The following ERC1 variants were observed in gnomAD, a reference collection of about 807,000 sequenced individuals.
ERC1 encodes the protein ELKS/RAB6-interacting/CAST family member 1.
ERC1 carries 56 observed loss-of-function variants against 132.0 expected under a neutral mutation model. That is an observed-to-expected ratio of 0.42 (90% CI 0.34 to 0.53). The LOEUF is 0.53. Among genes scored for constraint, ERC1 ranks in the 20% least tolerant of loss-of-function variants. The pLI is 0.03. For synonymous variants in ERC1, 478 were observed against 476.1 expected (o/e 1.00, Z -0.05); for missense variants, 1,202 against 1,349.9 (o/e 0.89, Z 1.72).
chr12:1,079,097 A>G (rs2154186805), intron 2 of ERC1, among the ~76,000 whole-genome samples: 1 of 151,406 alleles, frequency 6.6e-6, no homozygotes, highest in Admixed American at 6.6e-5. Context: ...TTGTAATATG[A>G]CAAAAGTCGA....
chr12:1,482,219 G>C (rs1373297364), intron 18 of ERC1, among the ~76,000 whole-genome samples: 1 of 152,110 alleles, frequency 6.6e-6, no homozygotes, highest in Non-Finnish European at 1.5e-5. Context: ...GCAGTGAGCA[G>C]CCCAGTGCCT....
chr12:1,308,573 T>A (rs2081056261), intron 15 of ERC1, among the ~76,000 whole-genome samples: 1 of 152,196 alleles, frequency 6.6e-6, no homozygotes, highest in South Asian at 2.1e-4. Context: ...CCAAAATAAA[T>A]ACTTAACAGT....
intron 1 of ERC1, among the ~76,000 whole-genome samples, chr12:1,016,604 A>G (rs1341803370): frequency 6.7e-6 from 1 of 149,596 alleles, no homozygotes; most frequent in Non-Finnish European, 1.5e-5. Context: ...CACAGTATGT[A>G]TATAACCATT....
At chr12:1,402,269 G>A (rs191236318) in intron 16 of ERC1, among the ~76,000 whole-genome samples, 11 of 152,272 alleles carry the variant, frequency 7.2e-5, no homozygotes, top group South Asian at 2.1e-4. Context: ...GGTGGCTCAC[G>A]CCGTAATCCC....
intron 16 of ERC1, among the ~76,000 whole-genome samples, chr12:1,376,983 G>A (rs11061725): frequency 0.11 from 17,305 of 152,126 alleles, 2,426 homozygotes; most frequent in African/African-American, 0.33. Flanking sequence ...AGGTGATCCC[G>A]TTGGTCTTGA....
At chr12:1,380,237 T>G (rs935106235) in intron 16 of ERC1, 3 of 152,226 alleles carry the variant, frequency 2.0e-5, no homozygotes, top group Non-Finnish European at 2.9e-5. Context: ...CTTCTTCATC[T>G]TCTGATGCTG....
At chr12:1,091,023 G>T (rs1215912895) in intron 3 of ERC1, among the ~76,000 whole-genome samples, 1 of 152,040 alleles carries the variant, frequency 6.6e-6, no homozygotes, top group African/African-American at 2.4e-5. Context: ...TCAGCTTCCT[G>T]AGTAGCTGGG....
chr12:1,364,450 T>C (rs1216945328), intron 15 of ERC1, among the ~76,000 whole-genome samples: 2 of 152,202 alleles, frequency 1.3e-5, no homozygotes, highest in Non-Finnish European at 2.9e-5. Context: ...CCCTCAAGGA[T>C]TTCACATTCT....
intron 2 of ERC1, among the ~76,000 whole-genome samples, chr12:1,055,262 C>T (rs1972740171): frequency 6.6e-6 from 1 of 152,096 alleles, no homozygotes; most frequent in Non-Finnish European, 1.5e-5. Flanking sequence ...TCACTGCAAC[C>T]TCTGCTTCCC....
At chr12:1,209,853 T>C (rs1957700624) in intron 12 of ERC1, among the ~76,000 whole-genome samples, 1 of 152,210 alleles carries the variant, frequency 6.6e-6, no homozygotes, top group Non-Finnish European at 1.5e-5. Context: ...TAACAATATC[T>C]CTGTTGATTT....
chr12:1,372,073 T>C (rs2087305517), intron 16 of ERC1, 96 bp downstream of exon 16: 1 of 1,381,740 alleles, frequency 7.2e-7, no homozygotes, highest in African/African-American at 1.4e-5. Flanking sequence ...GTCTCATGTT[T>C]CATATTAGAC....
At chr12:1,095,098 T>G (rs954150611) in intron 3 of ERC1, among the ~76,000 whole-genome samples, 1 of 152,170 alleles carries the variant, frequency 6.6e-6, no homozygotes, top group African/African-American at 2.4e-5. Flanking sequence ...AAAGTTGACT[T>G]ACTTTTACAA....
At position 1,371,895 on chromosome 12, in the gene ERC1, C is replaced by T. The variant is rs1230477737; in HGVS notation, c.2843C>T (p.Ser948Leu). 6.2e-7 allele frequency: 1 copy of T among 1,614,046 alleles called. No homozygotes were observed. Among genetic ancestry groups the T allele is most frequent in the East Asian group, 2.2e-5 (1 of 44,890 alleles). The change falls in exon 16 of 19, where the codon TCG becomes TTG. Residue 948 changes from serine to leucine, a missense_variant. Transcript: ENST00000360905. ...GCCAATATAGCTCTCTTGGAGCTTT[C>T]GTCCTCTAAGAAGAAGACCCAAGAG... ...KDANIALLEL[S>L]SSKKKTQEEV...
intron 18 of ERC1, among the ~76,000 whole-genome samples, chr12:1,485,204 T>TTTC (rs1395067624): frequency 7.3e-6 from 1 of 136,692 alleles, no homozygotes; most frequent in Non-Finnish European, 1.6e-5. Context: ...TATATTTCTT[T>TTTC]TTTTTTTTTT....
intron 14 of ERC1, among the ~76,000 whole-genome samples, chr12:1,266,066 C>A (rs190859439): frequency 1.3e-3 from 205 of 152,270 alleles, no homozygotes; most frequent in Non-Finnish European, 2.3e-3. Context: ...GGGTAAATAA[C>A]TGTGAGTGTG....
chr12:1,115,824 T>C, intron 6 of ERC1, 42 bp from the exon 7 acceptor site: 1 of 1,561,166 alleles, frequency 6.4e-7, no homozygotes, highest in Non-Finnish European at 8.7e-7. Context: ...GAGGTGTTTG[T>C]TTTATTTCTT....
intron 8 of ERC1, among the ~76,000 whole-genome samples, chr12:1,171,222 CTT>C (rs1953022923): frequency 6.6e-6 from 1 of 152,164 alleles, no homozygotes; most frequent in Non-Finnish European, 1.5e-5. Context: ...GATATGAAAA[CTT>C]TTAAAAACCC....
chr12:1,032,334 C>T (rs982346529), intron 2 of ERC1, among the ~76,000 whole-genome samples: 4 of 152,228 alleles, frequency 2.6e-5, no homozygotes, highest in Non-Finnish European at 5.9e-5. Flanking sequence ...TAGGCAGGAG[C>T]CACTGCGCCG....
chr12:1,350,082 A>C (rs985067184), intron 15 of ERC1, among the ~76,000 whole-genome samples: 1 of 152,208 alleles, frequency 6.6e-6, no homozygotes, highest in East Asian at 1.9e-4. Context: ...ATGAGGGAAA[A>C]ATTCATCATG....
Sources: allele counts gnomAD v4.1 joint callset (sites outside exome capture counted in the v4.1 genomes callset), GRCh38; gene constraint gnomAD v4.1.1; transcripts MANE v1.5; gene names NCBI Gene and HGNC (gene_info 2026-07-23, HGNC 2026-07-21).